DNAAF4: variants seen among roughly 807,000 people sequenced by gnomAD.
DNAAF4 encodes dynein axonemal assembly factor 4, also known as dynein assembly factor 4, axonemal.
A neutral mutation model predicts 51.8 loss-of-function variants in DNAAF4; 43 were observed. The observed-to-expected ratio is 0.83, with a 90% CI of 0.65 to 1.07. The LOEUF (loss-of-function observed/expected upper bound fraction) is 1.07. Ranked by LOEUF, DNAAF4 falls within the 50% of genes least tolerant of loss-of-function variation. The pLI is 0.00. For synonymous variants in DNAAF4, 194 were observed against 165.6 expected, an observed-to-expected ratio of 1.17 and a Z score of -1.32; for missense variants, 581 against 493.0, an observed-to-expected ratio of 1.18 and a Z score of -1.69.
chr15:55,498,970 T>C (rs1370084830), intron 1 of DNAAF4, among the ~76,000 whole-genome samples: 1 of 150,242 alleles, frequency 6.7e-6, no homozygotes, highest in Non-Finnish European at 1.5e-5. Flanking sequence ...TCCAGCCTCA[T>C]AATGCGATAA....
rs1039439781 is a variant in DNAAF4 at position 55,498,486 on chromosome 15, C to A, written c.-157G>T. 1.0e-5 allele frequency: 11 copies of A among 1,073,598 alleles called. No individual in the cohort carries two copies. The highest frequency in any genetic ancestry group is 1.4e-5 in the Non-Finnish European group (11 of 779,760). The allele number at this position is 1,073,598 out of a possible 1,614,324, so 66.5% of individuals were successfully genotyped here. On this transcript the variant is annotated 5_prime_UTR_variant, in exon 2 of 10. An upstream start codon of the reference 5' UTR is lost. Transcript: ENST00000321149. ...TCCGGCGCCAGCACCTCGCGGACTC[C>A]ATGCGTGACTATCCAGGCGCCCAGA...
chr15:55,506,186 T>C (rs1177306171), intron 1 of DNAAF4, among the ~76,000 whole-genome samples: 1 of 152,086 alleles, frequency 6.6e-6, no homozygotes, highest in Non-Finnish European at 1.5e-5. Flanking sequence ...TCTTTCTCAA[T>C]AATAAACAAA....
chr15:55,498,447 C>A lies in DNAAF4; in HGVS notation c.-118G>T, dbSNP rs2058669620. The A allele has an allele frequency of 1.4e-6, 2 of 1,443,602 alleles. No homozygotes were observed. The highest frequency in any genetic ancestry group is 2.5e-5 in the East Asian group (1 of 40,602). 89.4% of individuals were successfully genotyped at this position (1,443,602 alleles called of 1,614,324 possible). The stretch of plus-strand genomic sequence containing the variant: ...CGGGTCAGGCCGGCCGGGAGCCCGG[C>A]GTTCCCAGCGTGCTCCGGCGCCAGC... On this transcript the variant is annotated 5_prime_UTR_variant, in exon 2 of 10. Coordinates refer to ENST00000321149, the MANE Select transcript of DNAAF4 (RefSeq NM_130810.4).
chr15:55,489,900 G>A lies in DNAAF4; in HGVS notation c.405+1223C>T, dbSNP rs535133418. On this transcript the variant is annotated intron_variant, in intron 4 of 9. Coordinates refer to ENST00000321149, the MANE Select transcript of DNAAF4 (RefSeq NM_130810.4). ...GTTTTTTTTTTTTTTTTGAGACGGC[G>A]TCTCACTCTGTCGCCCAGGCTGGAG... 1.5e-3 allele frequency among the ~76,000 whole-genome samples: 227 copies of A among 147,596 alleles called. 1 individual carries two copies. Among genetic ancestry groups the A allele is most frequent in the African/African-American group, 5.5e-3 (220 of 39,894 alleles).
chr15:55,475,515 C>G (rs962245931), intron 4 of DNAAF4, among the ~76,000 whole-genome samples: 13 of 152,116 alleles, frequency 8.5e-5, no homozygotes, highest in African/African-American at 3.1e-4. Flanking sequence ...ATGCTTGGAA[C>G]TAGAAGTGTT....
chr15:55,483,833 CTTTTTTTTTTTTTTTTTTTTTTTT>C (rs71105887), intron 4 of DNAAF4, among the ~76,000 whole-genome samples: 21 of 82,496 alleles, frequency 2.5e-4, no homozygotes, highest in Admixed American at 1.1e-3. Context: ...GCCAATAAAG[CTTTTTTTTTTTTTTTTTTTTTTTT>C]TTTTTTTTTT....
At chr15:55,490,488 CAAT>C (rs1185937648) in intron 4 of DNAAF4, among the ~76,000 whole-genome samples, 2 of 152,136 alleles carry the variant, frequency 1.3e-5, no homozygotes, top group Admixed American at 6.6e-5. Context: ...AAAAATTTGA[CAAT>C]AATGTTTTAA....
intron 6 of DNAAF4, chr15:55,443,008 T>C: frequency 6.2e-7 from 1 of 1,611,526 alleles, no homozygotes; most frequent in East Asian, 2.2e-5. Context: ...CAGGCCATCA[T>C]CAAAGCTTCT....
chr15:55,470,707 T>A (rs1181480680), intron 4 of DNAAF4, among the ~76,000 whole-genome samples: 1 of 94,338 alleles, frequency 1.1e-5, no homozygotes. Flanking sequence ...GCCTGACTAA[T>A]TTTTTATGTT....
intron 3 of DNAAF4, among the ~76,000 whole-genome samples, chr15:55,492,161 A>G (rs2058583049): frequency 6.6e-6 from 1 of 151,784 alleles, no homozygotes. Flanking sequence ...AAGATCTCAC[A>G]GTTATCTTTA....
At chr15:55,421,533 T>G (rs1191898495) in intron 7 of DNAAF4, among the ~76,000 whole-genome samples, 1 of 152,018 alleles carries the variant, frequency 6.6e-6, no homozygotes, top group African/African-American at 2.4e-5. Context: ...GATAAGTAGC[T>G]GAAAATCAAG....
At chr15:55,429,013 G>A (rs1462774222), downstream of DNAAF4, among the ~76,000 whole-genome samples, 1 of 151,736 alleles carries the variant, frequency 6.6e-6, no homozygotes, top group African/African-American at 2.4e-5. Flanking sequence ...CTTGAGGTCA[G>A]GAGTTCGAGA....
chr15:55,491,303 TTTAC>T (rs1483637660), intron 3 of DNAAF4, 47 bp from the exon 4 acceptor site: 3 of 1,570,658 alleles, frequency 1.9e-6, no homozygotes, highest in African/African-American at 2.7e-5. Context: ...ACAAATTTGC[TTTAC>T]TTATGAGAAA....
chr15:55,452,367 A>G (rs186434956), intron 5 of DNAAF4, among the ~76,000 whole-genome samples: 70 of 151,982 alleles, frequency 4.6e-4, no homozygotes, highest in African/African-American at 1.6e-3. Context: ...TTAATACGAT[A>G]TAGAACATGC....
chr15:55,417,982 C>T, exon 8 of DNAAF4: 1 of 687,244 alleles, frequency 1.5e-6, no homozygotes, highest in Non-Finnish European at 2.4e-6. Flanking sequence ...GTAATGTCAT[C>T]AGTTAAGGCA....
chr15:55,500,193 A>G (rs2058688239), intron 1 of DNAAF4, among the ~76,000 whole-genome samples: 2 of 152,194 alleles, frequency 1.3e-5, no homozygotes, highest in South Asian at 4.1e-4. Context: ...GAGGAAAGAT[A>G]AGGAGCAACA....
intron 5 of DNAAF4, among the ~76,000 whole-genome samples, chr15:55,465,397 C>CACAA (rs1321671492): frequency 6.8e-6 from 1 of 147,770 alleles, no homozygotes; most frequent in Admixed American, 6.7e-5. Context: ...TATATATACA[C>CACAA]ACACACACAC....
chr15:55,443,967 C>T (rs2057756638), intron 6 of DNAAF4, among the ~76,000 whole-genome samples: 1 of 151,950 alleles, frequency 6.6e-6, no homozygotes, highest in African/African-American at 2.4e-5. Context: ...GAGTAGATTG[C>T]AAAAATTTTC....
At chr15:55,451,218 T>G (rs2057927289) in intron 5 of DNAAF4, among the ~76,000 whole-genome samples, 1 of 152,268 alleles carries the variant, frequency 6.6e-6, no homozygotes, top group African/African-American at 2.4e-5. Flanking sequence ...ATAACAGAGG[T>G]GATCCCATCA....
Sources: gnomAD v4.1 joint callset for allele counts (sites outside exome capture counted in the v4.1 genomes callset) on GRCh38, gnomAD v4.1.1 for gene constraint, MANE v1.5 for transcripts, NCBI Gene and HGNC (gene_info 2026-07-23, HGNC 2026-07-21) for gene names.